The following MTRFR variants were observed in gnomAD, a reference collection of about 807,000 sequenced individuals.
MTRFR encodes the protein probable peptide chain release factor C12orf65, mitochondrial.
MTRFR carries 10 observed loss-of-function variants against 11.9 expected under a neutral mutation model. The ratio of observed to expected loss-of-function variants is 0.84; its 90% CI spans 0.52 to 1.42. The LOEUF (loss-of-function observed/expected upper bound fraction) is 1.42, where lower values mean the gene tolerates loss of function less well. Among genes scored for constraint, MTRFR ranks in the 40% most tolerant of loss-of-function variants. The pLI is 0.00. For missense variants in MTRFR, 196 were observed against 197.9 expected (o/e 0.99, Z 0.06); for synonymous variants, 77 against 79.1 (o/e 0.97, Z 0.14).
In MTRFR at chr12:123,253,843, G is replaced by A; in HGVS notation, c.169G>A (p.Glu57Lys). The A allele has an allele frequency of 6.2e-7, 1 of 1,614,220 alleles. No homozygotes were observed. The highest frequency in any genetic ancestry group is 1.1e-5 in the South Asian group (1 of 91,090). The change falls in exon 2 of 3, where the codon GAG becomes AAG. Residue 57 changes from glutamate (E) to lysine (K), a missense_variant. Glu to Lys is a moderately conservative substitution (Grantham distance 56). Coordinates refer to ENST00000253233, the MANE Select transcript of MTRFR (RefSeq NM_152269.5). ...KDYPALLSLD[E>K]NELEEQFVKG... ...CTACCCTGCACTGCTTTCCTTGGAT[G>A]AGAATGAACTCGAAGAGCAGTTTGT...
upstream of MTRFR, chr12:123,233,404 G>A (rs1458611691): frequency 1.3e-5 from 2 of 152,272 alleles, no homozygotes; most frequent in African/African-American, 4.8e-5. Flanking sequence ...TGAGCCTCTG[G>A]TAGATAAGAG....
chr12:123,237,139 G>A (rs2047863877), intron 1 of MTRFR, among the ~76,000 whole-genome samples: 1 of 151,650 alleles, frequency 6.6e-6, no homozygotes, highest in Non-Finnish European at 1.5e-5. Flanking sequence ...GTAATTCTGT[G>A]GATTCAAAGT....
In MTRFR at chr12:123,257,768, G is replaced by C. The variant is rs1192612056; in HGVS notation, c.*737G>C. 1.3e-5 allele frequency: 2 copies of C among 152,256 alleles called. No homozygotes were observed. The highest frequency in any genetic ancestry group is 4.8e-5 in the African/African-American group (2 of 41,448). The allele number at this position is 152,256 out of a possible 1,614,324, so 9.4% of individuals were successfully genotyped here. ...TATACAAGAATAATGGCTACTTCTA[G>C]AGGGAAGGAGTTGTCATTGTGATGA... On this transcript the variant is annotated 3_prime_UTR_variant, in exon 3 of 3. Coordinates refer to ENST00000253233, the MANE Select transcript of MTRFR (RefSeq NM_152269.5).
chr12:123,253,107 T>TTTTTG lies in MTRFR; in HGVS notation c.-28-540_-28-539insTTTTG, dbSNP rs766114484. On this transcript the variant is annotated intron_variant, in intron 1 of 2. Coordinates refer to ENST00000253233, the MANE Select transcript of MTRFR (RefSeq NM_152269.5). ...TTTTTTTTTTTTTTTTTTTTTTTTT[T>TTTTTG]GAGACACTGTCTCGCTCTGTTGTCC... 4.7e-3 allele frequency among the ~76,000 whole-genome samples: 296 copies of TTTTTG among 63,350 alleles called. 100 individuals carry two copies. The highest frequency in any genetic ancestry group is 0.019 in the South Asian group (26 of 1,374). The allele number at this position is 63,350 out of a possible 152,430, so 41.6% of individuals were successfully genotyped here. A position where few individuals can be genotyped will look rare whatever the true frequency, so the allele number is the denominator to read the frequency against.
intron 2 of MTRFR, among the ~76,000 whole-genome samples, chr12:123,256,485 C>T (rs958676506): frequency 6.6e-6 from 1 of 152,182 alleles, no homozygotes; most frequent in African/African-American, 2.4e-5. Context: ...ATAAAGCGAA[C>T]AGGTTGTCCT....
chr12:123,237,631 T>A (rs1433754587), intron 1 of MTRFR, among the ~76,000 whole-genome samples: 1 of 152,228 alleles, frequency 6.6e-6, no homozygotes, highest in Admixed American at 6.5e-5. Flanking sequence ...CTGCTCAATC[T>A]ATTATGCTTT....
Position 123,253,875 on chromosome 12 carries a change from A to G in MTRFR, c.201A>G (p.Gly67=). The G allele has an allele frequency of 6.2e-7, 1 of 1,614,200 alleles. No homozygotes were observed. The highest frequency in any genetic ancestry group is 8.5e-7 in the Non-Finnish European group (1 of 1,180,034). Residue 67 remains glycine, a synonymous_variant, in exon 2 of 3, where the codon GGA becomes GGG. Transcript: ENST00000253233. ...ENELEEQFVK[G]HGPGGQATNK... is the part of the protein sequence containing the mutation. Reference sequence around the variant, plus strand: ...AACTCGAAGAGCAGTTTGTGAAAGGACACGGTCCAGGGGGCCAGGCAACCA... The same window carrying G: ...AACTCGAAGAGCAGTTTGTGAAAGGGCACGGTCCAGGGGGCCAGGCAACCA...
At chr12:123,245,655 G>A (rs949972068) in intron 1 of MTRFR, among the ~76,000 whole-genome samples, 6 of 152,130 alleles carry the variant, frequency 3.9e-5, no homozygotes, top group East Asian at 1.9e-4. Flanking sequence ...GTTGTTGTTC[G>A]TTTTTGCAGC....
At chr12:123,243,618 T>C (rs2138763204) in intron 1 of MTRFR, among the ~76,000 whole-genome samples, 1 of 151,578 alleles carries the variant, frequency 6.6e-6, no homozygotes, top group African/African-American at 2.4e-5. Context: ...GGCAGGAGAA[T>C]CACTTGAACC....
intron 1 of MTRFR, chr12:123,250,150 C>T (rs2048096164): frequency 6.6e-6 from 1 of 152,152 alleles, no homozygotes; most frequent in Non-Finnish European, 1.5e-5. Context: ...CTTTATTCTA[C>T]TTGTTGAATT....
At chr12:123,234,397 G>T (rs536886003) in intron 1 of MTRFR, among the ~76,000 whole-genome samples, 2 of 151,304 alleles carry the variant, frequency 1.3e-5, no homozygotes, top group Admixed American at 6.6e-5. Context: ...TTATTTTTGT[G>T]GGGGAGGGGG....
In MTRFR at chr12:123,249,658, C is replaced by T. The variant is rs747845616; in HGVS notation, c.-28-3989C>T. On this transcript the variant is annotated intron_variant, in intron 1 of 2. Coordinates refer to ENST00000253233, the MANE Select transcript of MTRFR (RefSeq NM_152269.5). ...CTCACTGGCCCGCGAGCTCTCCCTC[C>T]ACACCTCCCCACAAGCGGAGGGAGC... 69 of 152,500 alleles carry T rather than the reference C, an allele frequency of 4.5e-4. 2 individuals are homozygous for T. The highest frequency in any genetic ancestry group is 7.2e-4 in the Non-Finnish European group (49 of 68,276). 9.4% of individuals were successfully genotyped at this position (152,500 alleles called of 1,614,324 possible).
At chr12:123,247,473 C>T (rs1230168840) in intron 1 of MTRFR, among the ~76,000 whole-genome samples, 1 of 152,196 alleles carries the variant, frequency 6.6e-6, no homozygotes, top group Non-Finnish European at 1.5e-5. Context: ...GCTACCCCTG[C>T]TTGTTTATGG....
chr12:123,234,125 C>G (rs1248521983), intron 1 of MTRFR, among the ~76,000 whole-genome samples: 3 of 152,022 alleles, frequency 2.0e-5, no homozygotes, highest in African/African-American at 7.2e-5. Context: ...AGGGAACTCG[C>G]TCTCCTCCCC....
At chr12:123,238,632 C>G (rs2047887391) in intron 1 of MTRFR, among the ~76,000 whole-genome samples, 1 of 152,060 alleles carries the variant, frequency 6.6e-6, no homozygotes, top group South Asian at 2.1e-4. Flanking sequence ...AAAAGAAAAG[C>G]TTTTAAAAGT....
chr12:123,235,589 G>T (rs936131165), intron 1 of MTRFR, among the ~76,000 whole-genome samples: 1 of 150,880 alleles, frequency 6.6e-6, no homozygotes, highest in African/African-American at 2.4e-5. Flanking sequence ...AGCCAGGTTG[G>T]TCTCGATCTC....
chr12:123,243,636 C>T (rs1336359811), intron 1 of MTRFR, among the ~76,000 whole-genome samples: 1 of 151,904 alleles, frequency 6.6e-6, no homozygotes, highest in African/African-American at 2.4e-5. Flanking sequence ...ACCCAGGAGG[C>T]GGAGGTTGCA....
intron 1 of MTRFR, among the ~76,000 whole-genome samples, chr12:123,243,303 G>A (rs1425599979): frequency 6.6e-6 from 1 of 152,000 alleles, no homozygotes; most frequent in African/African-American, 2.4e-5. Flanking sequence ...GGCCGAGGCG[G>A]GCGGATCACG....
At chr12:123,246,200 G>C (rs1255569733) in intron 1 of MTRFR, among the ~76,000 whole-genome samples, 1 of 151,696 alleles carries the variant, frequency 6.6e-6, no homozygotes, top group Non-Finnish European at 1.5e-5. Context: ...TGGATTACAG[G>C]CATGCGCCAC....
Sources: gnomAD v4.1 joint callset for allele counts (sites outside exome capture counted in the v4.1 genomes callset) on GRCh38, gnomAD v4.1.1 for gene constraint, MANE v1.5 for transcripts, NCBI Gene and HGNC (gene_info 2026-07-23, HGNC 2026-07-21) for gene names.